Variants in ATL1 observed in about 807,000 individuals in gnomAD.
ATL1 encodes atlastin GTPase 1.
A neutral mutation model predicts 75.5 loss-of-function variants in ATL1; 31 were observed. The ratio of observed to expected loss-of-function variants is 0.41; its 90% CI spans 0.31 to 0.55. ATL1 has a LOEUF of 0.55. Ranked by LOEUF, ATL1 falls within the 20% of genes least tolerant of loss-of-function variation. The pLI is 0.27. For missense variants in ATL1, 405 were observed against 662.6 expected, an observed-to-expected ratio of 0.61 and a Z score of 4.27; for synonymous variants, 226 against 233.3, an observed-to-expected ratio of 0.97 and a Z score of 0.28.
intron 1 of ATL1, among the ~76,000 whole-genome samples, chr14:50,553,044 C>G (rs1422660168): frequency 2.0e-5 from 3 of 152,118 alleles, no homozygotes; most frequent in African/African-American, 7.2e-5. Flanking sequence ...CCTGTAATCT[C>G]AGCACTTTGG....
intron 6 of ATL1, among the ~76,000 whole-genome samples, chr14:50,603,864 C>T (rs569799347): frequency 5.3e-5 from 8 of 152,080 alleles, no homozygotes; most frequent in Admixed American, 4.6e-4. Context: ...CATGTTCTGT[C>T]GAGAGAGCAA....
intron 6 of ATL1, among the ~76,000 whole-genome samples, chr14:50,609,342 GAATA>G (rs1296058504): frequency 6.6e-6 from 1 of 151,862 alleles, no homozygotes; most frequent in Non-Finnish European, 1.5e-5. Flanking sequence ...ATAAATGAAT[GAATA>G]GATAAACTAA....
intron 1 of ATL1, among the ~76,000 whole-genome samples, chr14:50,570,586 G>A (rs970930571): frequency 3.3e-5 from 5 of 152,058 alleles, no homozygotes; most frequent in Non-Finnish European, 7.4e-5. Context: ...TCTTTTTACT[G>A]AAATTTGTAT....
At chr14:50,541,732 T>A (rs2038562536) in intron 1 of ATL1, among the ~76,000 whole-genome samples, 1 of 152,002 alleles carries the variant, frequency 6.6e-6, no homozygotes, top group African/African-American at 2.4e-5. Context: ...TATAAGAATA[T>A]GCTGTTGGCC....
chr14:50,536,950 T>C (rs2038500663), intron 1 of ATL1, among the ~76,000 whole-genome samples: 1 of 152,254 alleles, frequency 6.6e-6, no homozygotes, highest in Non-Finnish European at 1.5e-5. Flanking sequence ...AAAATCCCAT[T>C]TTCTGAGGAA....
At chr14:50,619,869 T>C (rs1048132706) in intron 8 of ATL1, among the ~76,000 whole-genome samples, 25 of 152,142 alleles carry the variant, frequency 1.6e-4, no homozygotes, top group African/African-American at 6.0e-4. Context: ...TTGGATACAT[T>C]TTCTGGAGGG....
At chr14:50,551,608 T>C (rs767473517) in intron 1 of ATL1, among the ~76,000 whole-genome samples, 1 of 152,128 alleles carries the variant, frequency 6.6e-6, no homozygotes, top group Non-Finnish European at 1.5e-5. Context: ...CTGATGAACA[T>C]AGATGCAAAA....
chr14:50,534,958 A>G (rs1460904486), intron 1 of ATL1, among the ~76,000 whole-genome samples: 1 of 152,234 alleles, frequency 6.6e-6, no homozygotes, highest in Non-Finnish European at 1.5e-5. Flanking sequence ...ATGTAATAAT[A>G]TGTTAGTTAT....
intron 2 of ATL1, among the ~76,000 whole-genome samples, 168 bp from the exon 3 acceptor site, chr14:50,590,773 C>A (rs1219208931): frequency 6.6e-6 from 1 of 151,980 alleles, no homozygotes; most frequent in African/African-American, 2.4e-5. Context: ...ATGGTTGCTC[C>A]TCTGTAATTA....
chr14:50,572,142 G>C, intron 1 of ATL1: 1 of 399,846 alleles, frequency 2.5e-6, no homozygotes, highest in Non-Finnish European at 4.8e-6. Context: ...TTTGCTCATG[G>C]TGTCTTTTCC....
intron 6 of ATL1, 67 bp from the exon 7 acceptor site, chr14:50,613,192 G>T: frequency 8.9e-7 from 1 of 1,123,256 alleles, no homozygotes; most frequent in Non-Finnish European, 1.4e-6. Context: ...ATTATAACTG[G>T]TTTCCATATA....
intron 8 of ATL1, among the ~76,000 whole-genome samples, chr14:50,619,608 T>A (rs2039447952): frequency 6.6e-6 from 1 of 152,252 alleles, no homozygotes; most frequent in Non-Finnish European, 1.5e-5. Context: ...GTCTGTAATG[T>A]TAAGCTTTAA....
chr14:50,589,761 C>T lies in ATL1; in HGVS notation c.283-1180C>T, dbSNP rs1047681980. Among the ~76,000 whole-genome samples the T allele has an allele frequency of 3.3e-5, 5 of 152,124 alleles. No individual in the cohort carries two copies. In the South Asian group the frequency reaches 6.2e-4, roughly 19 times the overall value. On this transcript the variant is annotated intron_variant, in intron 2 of 13. Transcript: ENST00000358385. ...ACAGAAGAACCAAAGCTCTTGATAA[C>T]GGTCTAAAATGCCTTTTAGAACAAG...
chr14:50,577,334 G>A lies in ATL1; in HGVS notation c.35-10497G>A, dbSNP rs568458981. ...CGCCTTGGCCTCCCAAAGTGCTGGG[G>A]TTACAGGCCTGAGCCACTGTGCCCA... On this transcript the variant is annotated intron_variant, in intron 1 of 13. Transcript: ENST00000358385. Among the ~76,000 whole-genome samples, 3 of 152,244 alleles carry A rather than the reference G, an allele frequency of 2.0e-5. No individual in the cohort carries two copies. The South Asian group carries it at 6.2e-4, about 32-fold the overall frequency.
intron 6 of ATL1, among the ~76,000 whole-genome samples, chr14:50,599,227 A>G (rs541205051): frequency 2.1e-4 from 32 of 152,232 alleles, no homozygotes; most frequent in Non-Finnish European, 3.2e-4. Context: ...GCAAGTAACC[A>G]AAACCTGGTT....
chr14:50,593,961 G>T (rs2039188509), intron 5 of ATL1, 65 bp downstream of exon 5: 1 of 1,210,476 alleles, frequency 8.3e-7, no homozygotes, highest in East Asian at 2.3e-5. Flanking sequence ...GCAGAACTTT[G>T]GGGAATGATT....
chr14:50,601,060 A>G (rs185840619), intron 6 of ATL1, among the ~76,000 whole-genome samples: 20 of 152,302 alleles, frequency 1.3e-4, no homozygotes, highest in Non-Finnish European at 2.4e-4. Flanking sequence ...GTGAGCTATG[A>G]TTGCACCGCT....
intron 1 of ATL1, among the ~76,000 whole-genome samples, chr14:50,575,548 C>A (rs2038998099): frequency 6.6e-6 from 1 of 152,132 alleles, no homozygotes; most frequent in Non-Finnish European, 1.5e-5. Context: ...AAGTCATTCT[C>A]AGTTTTTCAT....
At chr14:50,582,764 A>G (rs530642709) in intron 1 of ATL1, among the ~76,000 whole-genome samples, 1 of 152,236 alleles carries the variant, frequency 6.6e-6, no homozygotes, top group South Asian at 2.1e-4. Context: ...CTTATATAAT[A>G]AAACCACCCA....
Sources: gnomAD v4.1 joint callset for allele counts (sites outside exome capture counted in the v4.1 genomes callset) on GRCh38, gnomAD v4.1.1 for gene constraint, MANE v1.5 for transcripts, NCBI Gene and HGNC (gene_info 2026-07-23, HGNC 2026-07-21) for gene names.